The following NHS variants were observed in gnomAD, a reference collection of about 807,000 sequenced individuals.
NHS encodes NHS actin remodeling regulator.
Under a neutral mutation model 72.5 loss-of-function variants are expected in NHS, and 5 were observed. The ratio of observed to expected loss-of-function variants is 0.07; its 90% CI spans 0.04 to 0.14. The LOEUF (loss-of-function observed/expected upper bound fraction) is 0.14. NHS is among the 10% of genes least tolerant of loss of function. The pLI, the probability that NHS is intolerant of heterozygous loss-of-function variation, is 1.00. For synonymous variants in NHS, 464 were observed against 547.7 expected (o/e 0.85, Z 2.13); for missense variants, 1,072 against 1,355.7 (o/e 0.79, Z 3.29).
intron 1 of NHS, among the ~76,000 whole-genome samples, chrX:17,515,278 T>C (rs1464068453): frequency 8.9e-6 from 1 of 112,069 alleles, no homozygotes; most frequent in African/African-American, 3.2e-5. Flanking sequence ...ATCTTCTAAA[T>C]CATCAAAGAG....
At chrX:17,463,975 A>G (rs888665118) in intron 1 of NHS, among the ~76,000 whole-genome samples, 3 of 112,416 alleles carry the variant, frequency 2.7e-5, no homozygotes, top group Non-Finnish European at 5.6e-5. Flanking sequence ...TGGGGGTCTT[A>G]TAACCTGCAG....
At chrX:17,585,478 G>A (rs1282203251) in intron 1 of NHS, among the ~76,000 whole-genome samples, 10 of 111,505 alleles carry the variant, frequency 9.0e-5, no homozygotes, top group Non-Finnish European at 1.5e-4. Flanking sequence ...AGGATGGGGC[G>A]ATGTGAGTGA....
chrX:17,385,682 A>C (rs2146841603), intron 1 of NHS, among the ~76,000 whole-genome samples: 1 of 111,579 alleles, frequency 9.0e-6, no homozygotes, highest in South Asian at 3.8e-4. Context: ...GCATTTAACC[A>C]CCTTTTACCC....
chrX:17,402,594 A>C (rs2064507690), intron 1 of NHS, among the ~76,000 whole-genome samples: 1 of 112,267 alleles, frequency 8.9e-6, no homozygotes, highest in African/African-American at 3.2e-5. Context: ...TATCCAGAAC[A>C]GATAAATTTA....
chrX:17,463,119 C>T (rs1485169259), intron 1 of NHS, among the ~76,000 whole-genome samples: 1 of 112,212 alleles, frequency 8.9e-6, no homozygotes, highest in African/African-American at 3.2e-5. Flanking sequence ...TCTGGGTCTC[C>T]ACCTTGCATA....
At chrX:17,685,680 G>T (rs2066158155) in intron 1 of NHS, among the ~76,000 whole-genome samples, 1 of 111,809 alleles carries the variant, frequency 8.9e-6, no homozygotes, top group Admixed American at 9.5e-5. Context: ...CTAATTTTAT[G>T]ATATGCCAAT....
intron 1 of NHS, among the ~76,000 whole-genome samples, chrX:17,501,993 G>A (rs1182465853): frequency 8.9e-6 from 1 of 111,831 alleles, no homozygotes. Flanking sequence ...AGTTTCAATT[G>A]TTTGGTGGAG....
intron 1 of NHS, among the ~76,000 whole-genome samples, chrX:17,537,996 TC>T (rs2065237619): frequency 8.9e-6 from 1 of 112,065 alleles, no homozygotes; most frequent in Non-Finnish European, 1.9e-5. Context: ...CAGGAGGGCT[TC>T]CTGCTCAGCC....
rs190873856 is a variant in NHS at position 17,546,207 on chromosome X, C to T, written c.566-141535C>T. On this transcript the variant is annotated intron_variant, in intron 1 of 8. Transcript: ENST00000676302. ...CAATTGCCACTGCCTGAATGTAGGG[C>T]TATTATTAGGGAATGCTCATGGAAA... Among the ~76,000 whole-genome samples, 103 of 111,456 alleles carry T rather than the reference C, an allele frequency of 9.2e-4. 1 individual carries two copies. Among genetic ancestry groups the T allele is most frequent in the African/African-American group, 3.2e-3 (98 of 30,643 alleles).
intron 1 of NHS, among the ~76,000 whole-genome samples, chrX:17,519,951 C>T (rs1356374421): frequency 9.7e-6 from 1 of 103,030 alleles, no homozygotes; most frequent in Non-Finnish European, 2.0e-5. Flanking sequence ...TTCCCACTCC[C>T]CACCCCCACC....
intron 1 of NHS, among the ~76,000 whole-genome samples, chrX:17,414,827 AAGAC>A (rs2064583001): frequency 8.9e-6 from 1 of 111,942 alleles, no homozygotes; most frequent in South Asian, 3.8e-4. Flanking sequence ...CACAGAGAGA[AAGAC>A]AGACAGACCT....
At chrX:17,717,977 CAA>C (rs1434031933) in intron 3 of NHS, among the ~76,000 whole-genome samples, 1 of 111,870 alleles carries the variant, frequency 8.9e-6, no homozygotes, top group Admixed American at 9.5e-5. Flanking sequence ...TTACAGTTTG[CAA>C]AGACATTTTC....
chrX:17,497,371 G>T (rs1185606435), intron 1 of NHS, among the ~76,000 whole-genome samples: 1 of 111,804 alleles, frequency 8.9e-6, no homozygotes, highest in Non-Finnish European at 1.9e-5. Context: ...TGTGTATGTT[G>T]AGTCACTTTA....
intron 1 of NHS, among the ~76,000 whole-genome samples, chrX:17,495,052 A>C (rs2065006372): frequency 8.9e-6 from 1 of 112,047 alleles, no homozygotes; most frequent in Admixed American, 9.5e-5. Flanking sequence ...ATTCAAAACA[A>C]CTGGCTGAGG....
At chrX:17,625,129 A>G (rs748651413) in intron 1 of NHS, among the ~76,000 whole-genome samples, 2 of 111,891 alleles carry the variant, frequency 1.8e-5, no homozygotes, top group African/African-American at 6.5e-5. Context: ...AGAAAATTCT[A>G]TATTTTTCAA....
intron 1 of NHS, among the ~76,000 whole-genome samples, chrX:17,679,180 C>G (rs889812589): frequency 1.0e-4 from 11 of 108,490 alleles, no homozygotes; most frequent in Non-Finnish European, 1.9e-4. Context: ...CCCCTCTCTA[C>G]CCCTTCTCTC....
At chrX:17,606,722 A>G (rs1200132857) in intron 1 of NHS, among the ~76,000 whole-genome samples, 2 of 111,958 alleles carry the variant, frequency 1.8e-5, no homozygotes, top group Non-Finnish European at 3.8e-5. Context: ...TGTAAGTTTC[A>G]GAAGACTGGA....
intron 1 of NHS, among the ~76,000 whole-genome samples, chrX:17,456,884 T>C (rs1469976803): frequency 8.9e-6 from 1 of 111,773 alleles, no homozygotes; most frequent in Non-Finnish European, 1.9e-5. Flanking sequence ...TGGGAGAGGA[T>C]GGGAAAACCA....
intron 1 of NHS, among the ~76,000 whole-genome samples, chrX:17,478,649 A>G (rs1250737899): frequency 8.9e-6 from 1 of 111,782 alleles, no homozygotes; most frequent in Non-Finnish European, 1.9e-5. Context: ...ACAACAGTCT[A>G]TCTAATATTT....
Sources: gnomAD v4.1 joint callset for allele counts (sites outside exome capture counted in the v4.1 genomes callset) on GRCh38, gnomAD v4.1.1 for gene constraint, MANE v1.5 for transcripts, NCBI Gene and HGNC (gene_info 2026-07-23, HGNC 2026-07-21) for gene names.